Variants in PTPRD observed in about 807,000 individuals in gnomAD.
The protein encoded by PTPRD is receptor-type tyrosine-protein phosphatase delta.
PTPRD carries 34 observed loss-of-function variants against 214.5 expected under a neutral mutation model. That is an observed-to-expected ratio of 0.16 (90% CI 0.12 to 0.21). The LOEUF (loss-of-function observed/expected upper bound fraction) is 0.21. Ranked by LOEUF, PTPRD falls within the 10% of genes least tolerant of loss-of-function variation. The pLI, the probability that PTPRD is intolerant of heterozygous loss-of-function variation, is 1.00. For synonymous variants in PTPRD, 1,128 were observed against 845.7 expected, an observed-to-expected ratio of 1.33 and a Z score of -5.79; for missense variants, 2,545 against 2,398.7, an observed-to-expected ratio of 1.06 and a Z score of -1.27.
intron 11 of PTPRD, among the ~76,000 whole-genome samples, chr9:8,879,696 C>T (rs911901243): frequency 6.6e-5 from 10 of 152,138 alleles, no homozygotes; most frequent in African/African-American, 2.2e-4. Flanking sequence ...TGGATCTTAG[C>T]GTTCCTGCTA....
intron 3 of PTPRD, among the ~76,000 whole-genome samples, chr9:10,304,166 A>G (rs1565163625): frequency 6.6e-6 from 1 of 152,158 alleles, no homozygotes; most frequent in Non-Finnish European, 1.5e-5. Context: ...CAAAAAACAC[A>G]TGATTATCTC....
intron 3 of PTPRD, among the ~76,000 whole-genome samples, chr9:10,274,083 G>A (rs1188242438): frequency 6.6e-6 from 1 of 152,064 alleles, no homozygotes; most frequent in Non-Finnish European, 1.5e-5. Context: ...TTCTTCAGGT[G>A]TAAATGAAAG....
At chr9:9,465,790 G>C (rs1290185487) in intron 8 of PTPRD, among the ~76,000 whole-genome samples, 1 of 152,020 alleles carries the variant, frequency 6.6e-6, no homozygotes, top group Non-Finnish European at 1.5e-5. Context: ...GTCAGGGGTG[G>C]GGGAAGTGGC....
At chr9:9,535,712 C>G (rs189189797) in intron 8 of PTPRD, among the ~76,000 whole-genome samples, 18 of 152,014 alleles carry the variant, frequency 1.2e-4, no homozygotes, top group Admixed American at 2.6e-4. Flanking sequence ...TGTGAGCTCA[C>G]GTTAAAGGGC....
intron 8 of PTPRD, among the ~76,000 whole-genome samples, chr9:9,497,965 C>T (rs1352313990): frequency 6.6e-6 from 1 of 152,122 alleles, no homozygotes; most frequent in African/African-American, 2.4e-5. Flanking sequence ...TGCCTTTCAA[C>T]ATTAACATTT....
At chr9:9,340,346 A>G (rs1474831959) in intron 9 of PTPRD, among the ~76,000 whole-genome samples, 1 of 152,218 alleles carries the variant, frequency 6.6e-6, no homozygotes, top group African/African-American at 2.4e-5. Flanking sequence ...TTCTCAGAAC[A>G]CTGAAGATTT....
chr9:9,772,894 C>T (rs1318361503), intron 5 of PTPRD, among the ~76,000 whole-genome samples: 1 of 152,114 alleles, frequency 6.6e-6, no homozygotes, highest in South Asian at 2.1e-4. Flanking sequence ...GACACATTCA[C>T]GTATGCTGAC....
chr9:8,368,125 C>G (rs1313770176), intron 39 of PTPRD, among the ~76,000 whole-genome samples: 2 of 152,134 alleles, frequency 1.3e-5, no homozygotes, highest in African/African-American at 4.8e-5. Context: ...GTTCTACCCC[C>G]ATTTGTAGGA....
At chr9:10,165,918 G>A (rs760163610) in intron 3 of PTPRD, among the ~76,000 whole-genome samples, 1 of 150,528 alleles carries the variant, frequency 6.6e-6, no homozygotes, top group Non-Finnish European at 1.5e-5. Context: ...TCAATATATA[G>A]ATCTATGCAG....
intron 2 of PTPRD, among the ~76,000 whole-genome samples, chr9:10,473,324 T>A (rs1360971292): frequency 6.6e-6 from 1 of 152,094 alleles, no homozygotes; most frequent in Non-Finnish European, 1.5e-5. Context: ...AAGCACATCT[T>A]CCCCTCAAAA....
intron 8 of PTPRD, among the ~76,000 whole-genome samples, chr9:9,465,453 C>T (rs2094061531): frequency 6.6e-6 from 1 of 152,140 alleles, no homozygotes; most frequent in Non-Finnish European, 1.5e-5. Flanking sequence ...GAGTCCATTA[C>T]TCAAGTGTAA....
intron 8 of PTPRD, among the ~76,000 whole-genome samples, chr9:9,531,649 G>A (rs906723433): frequency 6.6e-6 from 1 of 152,024 alleles, no homozygotes; most frequent in Non-Finnish European, 1.5e-5. Context: ...GTTATATTTT[G>A]TTTATCAATT....
intron 2 of PTPRD, among the ~76,000 whole-genome samples, chr9:10,363,998 T>TG (rs71332737): frequency 0.063 from 3,093 of 49,362 alleles, 379 homozygotes; most frequent in African/African-American, 0.11. Flanking sequence ...CGGGTTTTTT[T>TG]TTTTTTTTTT....
chr9:10,313,310 T>C (rs1488556651), intron 3 of PTPRD, among the ~76,000 whole-genome samples: 1 of 151,636 alleles, frequency 6.6e-6, no homozygotes, highest in African/African-American at 2.4e-5. Context: ...CTCATAATTA[T>C]ATATTTGAAG....
intron 12 of PTPRD, among the ~76,000 whole-genome samples, chr9:8,700,021 A>C (rs2098036889): frequency 6.6e-6 from 1 of 152,190 alleles, no homozygotes; most frequent in Non-Finnish European, 1.5e-5. Context: ...TATGGGACAT[A>C]CAATACAAAA....
intron 3 of PTPRD, among the ~76,000 whole-genome samples, chr9:10,079,372 C>G (rs987067484): frequency 6.6e-6 from 1 of 152,034 alleles, no homozygotes; most frequent in African/African-American, 2.4e-5. Flanking sequence ...GCTTTTTAAA[C>G]TAAAATATGT....
At chr9:10,074,828 T>G (rs1196076487) in intron 3 of PTPRD, among the ~76,000 whole-genome samples, 1 of 152,174 alleles carries the variant, frequency 6.6e-6, no homozygotes, top group East Asian at 1.9e-4. Context: ...CGAAGCCATC[T>G]GAAATGTTGT....
intron 11 of PTPRD, among the ~76,000 whole-genome samples, chr9:8,883,654 G>C (rs924683127): frequency 6.6e-6 from 1 of 152,232 alleles, no homozygotes; most frequent in East Asian, 1.9e-4. Context: ...GAGGTCAGGA[G>C]TGTAAGCTTT....
chr9:9,779,717 G>A (rs1382749097), intron 5 of PTPRD, among the ~76,000 whole-genome samples: 1 of 152,148 alleles, frequency 6.6e-6, no homozygotes, highest in Admixed American at 6.5e-5. Context: ...AGCTGGTAAG[G>A]CTATGGAGAA....
Sources: gnomAD v4.1 joint callset for allele counts (sites outside exome capture counted in the v4.1 genomes callset) on GRCh38, gnomAD v4.1.1 for gene constraint, MANE v1.5 for transcripts, NCBI Gene and HGNC (gene_info 2026-07-23, HGNC 2026-07-21) for gene names.